The following C1QTNF3 variants were observed in gnomAD, a reference collection of about 807,000 sequenced individuals.
C1QTNF3 encodes the protein C1q and TNF related 3.
C1QTNF3 carries 26 observed loss-of-function variants against 32.6 expected under a neutral mutation model. That is an observed-to-expected ratio of 0.80 (90% CI 0.58 to 1.11). The LOEUF is 1.11. Ranked by LOEUF, C1QTNF3 falls within the 50% of genes least tolerant of loss-of-function variation. The pLI is 0.00. For missense variants in C1QTNF3, 362 were observed against 398.2 expected (o/e 0.91, Z 0.77); for synonymous variants, 155 against 146.0 (o/e 1.06, Z -0.44).
the C1QTNF3 span, among the ~76,000 whole-genome samples, chr5:34,228,863 A>C: frequency 6.6e-6 from 1 of 151,306 alleles, no homozygotes; most frequent in Non-Finnish European, 1.5e-5. Flanking sequence ...TCTCTAGAAG[A>C]GTCCGGAAGC....
the C1QTNF3 span, among the ~76,000 whole-genome samples, chr5:34,091,423 GTTC>G: frequency 1.1e-3 from 174 of 152,252 alleles, 1 homozygote; most frequent in Middle Eastern, 0.01. Context: ...ACCACTACTA[GTTC>G]TTCTTCTTCC....
chr5:34,230,599 C>A, the C1QTNF3 span, among the ~76,000 whole-genome samples: 1 of 152,088 alleles, frequency 6.6e-6, no homozygotes, highest in African/African-American at 2.4e-5. Flanking sequence ...GTCATCTCAG[C>A]ATAAAACAAT....
the C1QTNF3 span, among the ~76,000 whole-genome samples, chr5:34,054,312 G>A: frequency 2.6e-5 from 4 of 152,212 alleles, no homozygotes; most frequent in Non-Finnish European, 5.9e-5. Context: ...GCATCTAGGA[G>A]AGGCGTGAAA....
chr5:34,127,782 T>C, the C1QTNF3 span, among the ~76,000 whole-genome samples: 2 of 151,590 alleles, frequency 1.3e-5, no homozygotes, highest in African/African-American at 2.4e-5. Context: ...TACAGTCACA[T>C]GCATTCACAA....
the C1QTNF3 span, among the ~76,000 whole-genome samples, chr5:34,139,604 A>ATT: frequency 6.6e-6 from 1 of 151,646 alleles, no homozygotes; most frequent in African/African-American, 2.4e-5. Flanking sequence ...TAGAAACAAT[A>ATT]TATTTTTTTT....
the C1QTNF3 span, among the ~76,000 whole-genome samples, chr5:34,175,210 A>C: frequency 3.7e-3 from 555 of 151,862 alleles, 5 homozygotes; most frequent in African/African-American, 0.013. Context: ...CACCTAGCTA[A>C]TCTGTTTAGT....
chr5:34,091,678 CCTT>C, the C1QTNF3 span, among the ~76,000 whole-genome samples: 1 of 152,208 alleles, frequency 6.6e-6, no homozygotes, highest in African/African-American at 2.4e-5. Context: ...TGACTTAAAA[CCTT>C]CTCTTTTCTT....
the C1QTNF3 span, among the ~76,000 whole-genome samples, chr5:34,119,335 A>T: frequency 2.0e-5 from 3 of 152,174 alleles, no homozygotes; most frequent in South Asian, 6.2e-4. Flanking sequence ...TGATAGGGCA[A>T]GGTTCTCTTA....
the C1QTNF3 span, among the ~76,000 whole-genome samples, chr5:34,108,501 T>C: frequency 4.1e-4 from 62 of 152,244 alleles, no homozygotes; most frequent in African/African-American, 1.3e-3. Context: ...GAGACACTTA[T>C]ATTTTGCAGT....
the C1QTNF3 span, among the ~76,000 whole-genome samples, chr5:34,172,342 T>C: frequency 1.4e-5 from 2 of 144,508 alleles, no homozygotes; most frequent in Non-Finnish European, 3.0e-5. Context: ...TTACTCTCTC[T>C]CAAAATATCT....
At chr5:34,036,903 G>C (rs765381317) in intron 1 of C1QTNF3, among the ~76,000 whole-genome samples, 1 of 151,994 alleles carries the variant, frequency 6.6e-6, no homozygotes, top group African/African-American at 2.4e-5. Context: ...AGTGAGCTGA[G>C]ATAGCACCAT....
the C1QTNF3 span, among the ~76,000 whole-genome samples, chr5:34,160,796 T>C: frequency 1.3e-5 from 2 of 151,518 alleles, no homozygotes; most frequent in African/African-American, 4.9e-5. Context: ...TAATAATCCC[T>C]GACCGCTGAC....
At chr5:34,031,369 C>T (rs1754609294) in intron 3 of C1QTNF3, among the ~76,000 whole-genome samples, 1 of 152,142 alleles carries the variant, frequency 6.6e-6, no homozygotes, top group South Asian at 2.1e-4. Context: ...ACTGGCTACT[C>T]TAGGGCCCCT....
chr5:34,169,030 C>T, the C1QTNF3 span: 7 of 152,232 alleles, frequency 4.6e-5, no homozygotes, highest in African/African-American at 9.6e-5. Context: ...TTCCCACCTT[C>T]GGTTCCTTCC....
chr5:34,217,910 C>G, the C1QTNF3 span, among the ~76,000 whole-genome samples: 2 of 152,056 alleles, frequency 1.3e-5, no homozygotes, highest in Non-Finnish European at 2.9e-5. Context: ...ACTCCTCTAA[C>G]AGTGACCAAA....
At chr5:34,227,475 T>G in the C1QTNF3 span, among the ~76,000 whole-genome samples, 1 of 152,044 alleles carries the variant, frequency 6.6e-6, no homozygotes, top group Non-Finnish European at 1.5e-5. Context: ...TATGCATTCA[T>G]GGACTTATCA....
At chr5:34,235,369 G>A in the C1QTNF3 span, among the ~76,000 whole-genome samples, 1 of 152,032 alleles carries the variant, frequency 6.6e-6, no homozygotes, top group Non-Finnish European at 1.5e-5. Context: ...ATGATTAGGT[G>A]GTGATGCTAC....
the C1QTNF3 span, among the ~76,000 whole-genome samples, chr5:34,130,984 T>G: frequency 6.6e-6 from 1 of 152,252 alleles, no homozygotes; most frequent in African/African-American, 2.4e-5. Context: ...TTATAACTTT[T>G]AAATATGCAA....
the C1QTNF3 span, among the ~76,000 whole-genome samples, chr5:34,093,721 T>C: frequency 5.3e-5 from 8 of 151,132 alleles, no homozygotes; most frequent in East Asian, 1.9e-4. Context: ...CCTAGCCTAA[T>C]TGGTTTTCTA....
Sources: allele counts gnomAD v4.1 joint callset (sites outside exome capture counted in the v4.1 genomes callset), GRCh38; gene constraint gnomAD v4.1.1; transcripts MANE v1.5; gene names NCBI Gene and HGNC (gene_info 2026-07-23, HGNC 2026-07-21).